Variants in OTOF observed in about 807,000 individuals in gnomAD.
The protein encoded by OTOF is fer-1-like family member 2.
A neutral mutation model predicts 236.8 loss-of-function variants in OTOF; 218 were observed. That is an observed-to-expected ratio of 0.92 (90% CI 0.82 to 1.03). The LOEUF (loss-of-function observed/expected upper bound fraction) is 1.03, where lower values mean the gene tolerates loss of function less well. OTOF is among the 50% of genes least tolerant of loss of function. OTOF has a pLI of 0.00. For synonymous variants in OTOF, 1,041 were observed against 1,072.5 expected (o/e 0.97, Z 0.57); for missense variants, 2,590 against 2,694.4 (o/e 0.96, Z 0.86).
At chr2:26,514,695 G>C (rs1011121888) in intron 5 of OTOF, among the ~76,000 whole-genome samples, 1 of 152,332 alleles carries the variant, frequency 6.6e-6, no homozygotes, top group Admixed American at 6.5e-5. Flanking sequence ...ACCTACAGGG[G>C]CTGGTGACAT....
intron 6 of OTOF, among the ~76,000 whole-genome samples, chr2:26,502,684 C>G (rs2148078962): frequency 6.6e-6 from 1 of 152,300 alleles, no homozygotes; most frequent in South Asian, 2.1e-4. Context: ...TACTTAGGCA[C>G]TGAATATCTC....
intron 5 of OTOF, among the ~76,000 whole-genome samples, chr2:26,505,753 A>T (rs1666232133): frequency 6.6e-6 from 1 of 152,214 alleles, no homozygotes; most frequent in African/African-American, 2.4e-5. Context: ...CAAGAATCCC[A>T]TCCATTCCTG....
chr2:26,540,035 A>G (rs7566431), intron 1 of OTOF, among the ~76,000 whole-genome samples: 53,858 of 152,036 alleles, frequency 0.35, 11,718 homozygotes, highest in Admixed American at 0.52. Context: ...CGGGGTTCAA[A>G]TGATTCTCGT....
chr2:26,519,513 G>C (rs1666623572), intron 3 of OTOF, among the ~76,000 whole-genome samples: 1 of 152,202 alleles, frequency 6.6e-6, no homozygotes, highest in African/African-American at 2.4e-5. Flanking sequence ...GCCTAACCAT[G>C]ACCAAGGTTT....
At position 26,558,610 on chromosome 2, in the gene OTOF, C is replaced by T. The variant is rs372446838; in HGVS notation, c.-39G>A. The T allele has an allele frequency of 6.9e-5, 107 of 1,550,132 alleles. No homozygotes were observed. The African/African-American group carries it at 1.1e-3, about 16-fold the overall frequency. ...GCCTGGCACTGCCAGGCAGGAGCAGCGGGAAGGAGCTAGCCGGTGGAGCAC... is the reference window on the plus strand; with the variant it reads ...GCCTGGCACTGCCAGGCAGGAGCAGTGGGAAGGAGCTAGCCGGTGGAGCAC... On this transcript the variant is annotated 5_prime_UTR_variant, in exon 1 of 47. Coordinates refer to ENST00000272371, the MANE Select transcript of OTOF (RefSeq NM_194248.3).
chr2:26,489,707 C>G lies in OTOF; in HGVS notation c.931G>C (p.Val311Leu), dbSNP rs753842843. 3 of 1,612,952 alleles carry G rather than the reference C, an allele frequency of 1.9e-6. No homozygotes were observed. In the African/African-American group the frequency reaches 4.0e-5, roughly 22 times the overall value. The change falls in exon 10 of 47, where the codon GTC becomes CTC. Residue 311 changes from valine (V) to leucine (L), a missense_variant. This residue lies in a region of OTOF where 1,379 missense variants were observed against 1,341.6 expected (regional missense o/e 1.03). Coordinates refer to ENST00000272371, the MANE Select transcript of OTOF (RefSeq NM_194248.3). ...FVFDFHVSPDVMFDKIIKISV... is the reference protein window; with the variant it reads ...FVFDFHVSPDLMFDKIIKISV... ...ATCTTGATGATCTTGTCAAACATGA[C>G]ATCCGGAGAGACATGGAAGTCGAAG... is the stretch of plus-strand genomic sequence containing the variant.
At chr2:26,534,750 C>A (rs191130324) in intron 2 of OTOF, among the ~76,000 whole-genome samples, 1 of 152,328 alleles carries the variant, frequency 6.6e-6, no homozygotes, top group East Asian at 1.9e-4. Context: ...AAAGAGGTTC[C>A]TCAGCAAGGA....
chr2:26,469,888 G>T (rs1664898557), intron 32 of OTOF, among the ~76,000 whole-genome samples: 1 of 152,210 alleles, frequency 6.6e-6, no homozygotes, highest in South Asian at 2.1e-4. Flanking sequence ...ACAACTGCAG[G>T]CATGTGTCCC....
chr2:26,477,797 C>T lies in OTOF; in HGVS notation c.2215-48G>A. The T allele has an allele frequency of 6.2e-7, 1 of 1,606,034 alleles. No individual in the cohort carries two copies. The highest frequency in any genetic ancestry group is 8.5e-7 in the Non-Finnish European group (1 of 1,176,702). On this transcript the variant is annotated intron_variant, in intron 18 of 46. Transcript: ENST00000272371. This position sits in a 1 kb window ranked among gnomAD's most constrained non-coding sequence, Gnocchi z 4.7. Reference sequence around the variant, plus strand: ...ATGCTGGGCCACAGCCCCGCCTCCCCAGCCTCCCCAAATGCCTCCTCCCTG... The same window carrying T: ...ATGCTGGGCCACAGCCCCGCCTCCCTAGCCTCCCCAAATGCCTCCTCCCTG...
intron 5 of OTOF, among the ~76,000 whole-genome samples, chr2:26,506,340 C>G (rs150050533): frequency 6.6e-6 from 1 of 152,244 alleles, no homozygotes; most frequent in Non-Finnish European, 1.5e-5. Context: ...TTGGCCCTTC[C>G]GCATGTGTGA....
At position 26,516,374 on chromosome 2, in the gene OTOF, G is replaced by T. The variant is rs368652494; in HGVS notation, c.509+44C>A. The T allele has an allele frequency of 1.9e-6, 3 of 1,575,472 alleles. No homozygotes were observed. In the South Asian group the frequency reaches 3.4e-5, roughly 18 times the overall value. On this transcript the variant is annotated intron_variant, in intron 5 of 46. Transcript: ENST00000272371. ...GGACCAGGCCCCAGGTCTCTTCCCCGTGTCTTGGGAGCAGTGGGCAGCCAG... is the reference window on the plus strand; with the variant it reads ...GGACCAGGCCCCAGGTCTCTTCCCCTTGTCTTGGGAGCAGTGGGCAGCCAG...
intron 8 of OTOF, among the ~76,000 whole-genome samples, 189 bp from the exon 9 acceptor site, chr2:26,495,262 C>T (rs1432270170): frequency 1.3e-5 from 2 of 151,688 alleles, no homozygotes; most frequent in Non-Finnish European, 2.9e-5. Context: ...CCTTCTATGC[C>T]TCAAGTGTCT....
chr2:26,509,627 C>T (rs550798047), intron 5 of OTOF, among the ~76,000 whole-genome samples: 16 of 152,170 alleles, frequency 1.1e-4, no homozygotes, highest in African/African-American at 1.7e-4. Context: ...ACACACAATC[C>T]TGATATTTCC....
rs749385382 is a variant in OTOF at position 26,475,401 on chromosome 2, A to G, written c.3084T>C (p.Asp1028=). The part of the protein sequence containing the change: ...LYGEAHELRD[D]PPIIVIEIYD... ...AGATTTCAATGACAATGATGGGCGG[A>G]TCGTCCCTCAGCTCATGAGCTTCAC... The change falls in exon 25 of 47, where the codon GAT becomes GAC. Residue 1028 remains aspartate, a synonymous_variant. Transcript: ENST00000272371. The G allele has an allele frequency of 1.2e-6, 2 of 1,613,112 alleles. No individual in the cohort carries two copies. The highest frequency in any genetic ancestry group is 1.7e-6 in the Non-Finnish European group (2 of 1,179,950).
At chr2:26,468,824 T>A (rs1347920724) in intron 32 of OTOF, among the ~76,000 whole-genome samples, 2 of 152,148 alleles carry the variant, frequency 1.3e-5, no homozygotes, top group African/African-American at 4.8e-5. Flanking sequence ...ACACTGCATG[T>A]TCTCACTCAT....
chr2:26,499,284 G>C (rs1414300071), intron 8 of OTOF, among the ~76,000 whole-genome samples: 1 of 152,106 alleles, frequency 6.6e-6, no homozygotes, highest in Non-Finnish European at 1.5e-5. Context: ...GAAACAAAGA[G>C]CATGGGTACG....
chr2:26,470,802 C>T lies in OTOF; in HGVS notation c.3895-81G>A. ...CGAGAGCCTCCACCCATTCCGCCAT[C>T]TGTCAGCAGGAAGCCTTGGGCTCCA... is the stretch of plus-strand genomic sequence containing the variant. On this transcript the variant is annotated intron_variant, in intron 31 of 46. Coordinates refer to ENST00000272371, the MANE Select transcript of OTOF (RefSeq NM_194248.3). The surrounding 1 kb of genome is among the most constrained non-coding windows in gnomAD (Gnocchi z 4.3). 1 of 1,567,606 alleles carries T rather than the reference C, an allele frequency of 6.4e-7. No individual in the cohort carries two copies. Among genetic ancestry groups the T allele is most frequent in the Non-Finnish European group, 8.6e-7 (1 of 1,161,454 alleles).
chr2:26,474,441 AG>A lies in OTOF; in HGVS notation c.3288+71del, dbSNP rs1665156267. 1.1e-5 allele frequency: 7 copies of A among 650,040 alleles called. No homozygotes were observed. In the Admixed American group the frequency reaches 1.9e-4, roughly 18 times the overall value. The allele number at this position is 650,040 out of a possible 1,614,324, so 40.3% of individuals were successfully genotyped here. On this transcript the variant is annotated intron_variant, in intron 26 of 46. Coordinates refer to ENST00000272371, the MANE Select transcript of OTOF (RefSeq NM_194248.3). ...CCCCAGGCCCCAGCCTTCAGGGTCCAGCCCCCAGCCCTAGGCCCCAACTCCC... is the reference window on the plus strand; with the variant it reads ...CCCCAGGCCCCAGCCTTCAGGGTCCACCCCCAGCCCTAGGCCCCAACTCCC...
At chr2:26,558,064 T>G (rs1667638869) in intron 1 of OTOF, among the ~76,000 whole-genome samples, 1 of 151,908 alleles carries the variant, frequency 6.6e-6, no homozygotes, top group Non-Finnish European at 1.5e-5. Context: ...ACTGGCTGCC[T>G]GGTTTCTCCC....
Sources: allele counts gnomAD v4.1 joint callset (sites outside exome capture counted in the v4.1 genomes callset), GRCh38; gene constraint gnomAD v4.1.1; regional missense constraint gnomAD v4.1.1; non-coding constraint Gnocchi (gnomAD v3.1); transcripts MANE v1.5; gene names NCBI Gene and HGNC (gene_info 2026-07-23, HGNC 2026-07-21).